PRCD: variants seen among roughly 807,000 people sequenced by gnomAD.
PRCD encodes the protein photoreceptor disc component.
PRCD carries 12 observed loss-of-function variants against 10.1 expected under a neutral mutation model. The ratio of observed to expected loss-of-function variants is 1.18; its 90% CI spans 0.76 to 1.92. PRCD has a LOEUF of 1.92. Among genes scored for constraint, PRCD ranks in the 40% most tolerant of loss-of-function variants. PRCD has a pLI of 0.00. For synonymous variants in PRCD, 31 were observed against 26.2 expected, an observed-to-expected ratio of 1.18 and a Z score of -0.56; for missense variants, 61 against 72.2, an observed-to-expected ratio of 0.84 and a Z score of 0.56.
In PRCD at chr17:76,544,067, CT is replaced by C; in HGVS notation, c.*418del. On this transcript the variant is annotated 3_prime_UTR_variant, in exon 5 of 5. Coordinates refer to ENST00000592014, the MANE Select transcript of PRCD (RefSeq NM_001077620.3). The stretch of plus-strand genomic sequence containing the variant: ...TTTGCCCCCAGCTGCTCTGCCATTT[CT>C]CTCTTTTCAATCCTGCATGATCCTG... The C allele has an allele frequency of 2.2e-6, 1 of 454,682 alleles. No homozygotes were observed. Among genetic ancestry groups the C allele is most frequent in the Non-Finnish European group, 4.4e-6 (1 of 226,966 alleles). 28.2% of individuals were successfully genotyped at this position (454,682 alleles called of 1,614,324 possible). A position where few individuals can be genotyped will look rare whatever the true frequency, so the allele number is the denominator to read the frequency against.
upstream of PRCD, chr17:76,537,619 G>C: frequency 1.0e-6 from 1 of 993,608 alleles, no homozygotes; most frequent in South Asian, 4.5e-5. Flanking sequence ...CGGGGCGCCG[G>C]GAGCCGGGGC....
chr17:76,531,410 G>A lies in PRCD; in HGVS notation n.45+3577G>A. ...GTCGCAGAGCCTGCGAGCTGCAGAT[G>A]GCCATGACGCGTGGGCGGTGGGGGC... On this transcript the variant is annotated intron_variant and non_coding_transcript_variant, in intron 1 of 4. Coordinates refer to the PRCD transcript ENST00000397633. The surrounding 1 kb of genome is among the most constrained non-coding windows in gnomAD (Gnocchi z 7.4). 1 of 1,570,786 alleles carries A rather than the reference G, an allele frequency of 6.4e-7. No homozygotes were observed. The highest frequency in any genetic ancestry group is 8.7e-7 in the Non-Finnish European group (1 of 1,147,626).
At chr17:76,552,930 T>C (rs1468118274) in intron 1 of PRCD, 2 of 144,056 alleles carry the variant, frequency 1.4e-5, no homozygotes, top group African/African-American at 2.7e-5. Context: ...TGTATATGTG[T>C]ATATATATGT....
upstream of PRCD, chr17:76,537,745 G>A: frequency 4.4e-6 from 1 of 225,120 alleles, no homozygotes; most frequent in Non-Finnish European, 7.4e-6. Flanking sequence ...ATATGTGCGG[G>A]GGGCGGGGGA....
At position 76,543,955 on chromosome 17, in the gene PRCD, T is replaced by G. The variant is rs1248374913; in HGVS notation, c.*305T>G. On this transcript the variant is annotated 3_prime_UTR_variant, in exon 5 of 5. Transcript: ENST00000592014. ...TCTGTATGTGTGCAAGCGCGTGTGT[T>G]CCAAACGGGCAGTAGCGTGTGGGAA... is the stretch of plus-strand genomic sequence containing the variant. 1 of 468,058 alleles carries G rather than the reference T, an allele frequency of 2.1e-6. No homozygotes were observed. Among genetic ancestry groups the G allele is most frequent in the Non-Finnish European group, 4.4e-6 (1 of 227,038 alleles). The allele number at this position is 468,058 out of a possible 1,614,324, so 29.0% of individuals were successfully genotyped here.
chr17:76,538,844 G>T (rs1387650258), upstream of PRCD, among the ~76,000 whole-genome samples: 1 of 152,262 alleles, frequency 6.6e-6, no homozygotes, highest in African/African-American at 2.4e-5. Context: ...CAGGCTCCCG[G>T]CGACCCCTGT....
downstream of PRCD, chr17:76,546,565 G>C (rs529407832): frequency 1.3e-5 from 2 of 152,108 alleles, no homozygotes; most frequent in African/African-American, 4.8e-5. This position sits in a 1 kb window ranked among gnomAD's most constrained non-coding sequence, Gnocchi z 4.5. Context: ...GCACAATGGC[G>C]AGAGAGCAAA....
Position 76,540,975 on chromosome 17 carries a change from C to T in PRCD, c.143+402C>T, listed in dbSNP as rs1037655581. The stretch of plus-strand genomic sequence containing the variant: ...TGCCTCAGCTAGGCTGCCTGAGCCT[C>T]CAGCAGGATTCGCTGTCCAGTCCCC... On this transcript the variant is annotated intron_variant, in intron 2 of 4. Transcript: ENST00000592014. The surrounding 1 kb of genome is among the most constrained non-coding windows in gnomAD (Gnocchi z 5.0). 6.6e-6 allele frequency among the ~76,000 whole-genome samples: 1 copy of T among 152,210 alleles called. No homozygotes were observed. The highest frequency in any genetic ancestry group is 2.4e-5 in the African/African-American group (1 of 41,456).
chr17:76,531,769 G>C lies in PRCD; in HGVS notation n.45+3936G>C. On this transcript the variant is annotated intron_variant and non_coding_transcript_variant, in intron 1 of 4. Transcript: ENST00000397633. The surrounding 1 kb of genome is among the most constrained non-coding windows in gnomAD (Gnocchi z 7.4). ...CCCTGAAGCTTCCAGGATAGTGGGGGCTGAAGAAGTGGACCGCAGTGCTCC... is the reference window on the plus strand; with the variant it reads ...CCCTGAAGCTTCCAGGATAGTGGGGCCTGAAGAAGTGGACCGCAGTGCTCC... The C allele has an allele frequency of 7.9e-7, 1 of 1,267,316 alleles. No individual in the cohort carries two copies. Among genetic ancestry groups the C allele is most frequent in the Non-Finnish European group, 1.1e-6 (1 of 904,668 alleles). The allele number at this position is 1,267,316 out of a possible 1,614,324, so 78.5% of individuals were successfully genotyped here. A position where few individuals can be genotyped will look rare whatever the true frequency, so the allele number is the denominator to read the frequency against.
Position 76,528,473 on chromosome 17 carries a change from T to G in PRCD, n.45+640T>G. On this transcript the variant is annotated intron_variant and non_coding_transcript_variant, in intron 1 of 4. Transcript: ENST00000397633. The surrounding 1 kb of genome is among the most constrained non-coding windows in gnomAD (Gnocchi z 5.8). ...TCCTTCGGGGAAGTTGAGTCAGGGA[T>G]TCCTCCAGCTTCCTTGGCACCCAGA... is the stretch of plus-strand genomic sequence containing the variant. 9.5e-7 allele frequency: 1 copy of G among 1,054,920 alleles called. No individual in the cohort carries two copies. The highest frequency in any genetic ancestry group is 1.2e-6 in the Non-Finnish European group (1 of 804,902). The allele number at this position is 1,054,920 out of a possible 1,614,324, so 65.3% of individuals were successfully genotyped here.
rs1409766622 is a variant in PRCD, at chr17:76,540,638, T to C, written c.143+65T>C. On this transcript the variant is annotated intron_variant, in intron 2 of 4. Coordinates refer to ENST00000592014, the MANE Select transcript of PRCD (RefSeq NM_001077620.3). This position sits in a 1 kb window ranked among gnomAD's most constrained non-coding sequence, Gnocchi z 5.0. ...CAAGGAAGCTGTGGCTGTGCATGCC[T>C]GGGGGTGCACGTGTGTGCCTGTGCG... The C allele has an allele frequency of 7.4e-6, 11 of 1,492,266 alleles. No individual in the cohort carries two copies. The highest frequency in any genetic ancestry group is 2.3e-5 in the East Asian group (1 of 44,018). The allele number at this position is 1,492,266 out of a possible 1,614,324, so 92.4% of individuals were successfully genotyped here. A position where few individuals can be genotyped will look rare whatever the true frequency, so the allele number is the denominator to read the frequency against.
Position 76,542,586 on chromosome 17 carries a change from TGCAGGTG to T in PRCD, c.*14_*20del. Reference sequence around the variant, plus strand: ...AACCTCTGAAGTAAGCCCTCACCTCTGCAGGTGGGGCTCAGGCCCAGAGACTGGGATC... The same window carrying T: ...AACCTCTGAAGTAAGCCCTCACCTCTGGGCTCAGGCCCAGAGACTGGGATC... On this transcript the variant is annotated 3_prime_UTR_variant, in exon 3 of 5. Coordinates refer to ENST00000592014, the MANE Select transcript of PRCD (RefSeq NM_001077620.3). The T allele has an allele frequency of 6.2e-7, 1 of 1,614,022 alleles. No homozygotes were observed. Among genetic ancestry groups the T allele is most frequent in the Non-Finnish European group, 8.5e-7 (1 of 1,179,878 alleles).
rs2074790807 is a variant in PRCD, at chr17:76,528,320, C to A, written n.45+487C>A. The A allele has an allele frequency of 2.5e-6, 1 of 403,106 alleles. No individual in the cohort carries two copies. The highest frequency in any genetic ancestry group is 4.4e-6 in the Non-Finnish European group (1 of 228,884). 25.0% of individuals were successfully genotyped at this position (403,106 alleles called of 1,614,324 possible). A position where few individuals can be genotyped will look rare whatever the true frequency, so the allele number is the denominator to read the frequency against. ...CTGCCAGCCGCTCAGCTAGGTCTCT[C>A]TCTAACAGTGAGTAGAAAAGCTAAG... On this transcript the variant is annotated intron_variant and non_coding_transcript_variant, in intron 1 of 4. Transcript: ENST00000397633. The surrounding 1 kb of genome is among the most constrained non-coding windows in gnomAD (Gnocchi z 5.8).
At position 76,531,028 on chromosome 17, in the gene PRCD, C is replaced by A; in HGVS notation, n.45+3195C>A. 6.2e-7 allele frequency: 1 copy of A among 1,613,188 alleles called. No homozygotes were observed. The highest frequency in any genetic ancestry group is 8.5e-7 in the Non-Finnish European group (1 of 1,179,772). On this transcript the variant is annotated intron_variant and non_coding_transcript_variant, in intron 1 of 4. Transcript: ENST00000397633. This position sits in a 1 kb window ranked among gnomAD's most constrained non-coding sequence, Gnocchi z 7.4. ...ACCCAGCCCACTTCCTTGTAGGCAG[C>A]GGTCACGTGGCTGTAGATGAGGCCA...
In PRCD at chr17:76,531,963, T is replaced by G; in HGVS notation, n.45+4130T>G. ...GGCCTCTGTCTTCCTCGCTTCTTGCTTCCTTCCCAAACTCTACACCCCCTT... is the reference window on the plus strand; with the variant it reads ...GGCCTCTGTCTTCCTCGCTTCTTGCGTCCTTCCCAAACTCTACACCCCCTT... On this transcript the variant is annotated intron_variant and non_coding_transcript_variant, in intron 1 of 4. Transcript: ENST00000397633. The surrounding 1 kb of genome is among the most constrained non-coding windows in gnomAD (Gnocchi z 7.4). 2.8e-6 allele frequency: 1 copy of G among 359,156 alleles called. No homozygotes were observed. Among genetic ancestry groups the G allele is most frequent in the Non-Finnish European group, 5.2e-6 (1 of 193,760 alleles). The allele number at this position is 359,156 out of a possible 1,614,324, so 22.2% of individuals were successfully genotyped here.
Position 76,531,513 on chromosome 17 carries a change from G to A in PRCD, n.45+3680G>A, listed in dbSNP as rs1490929129. The A allele has an allele frequency of 1.9e-6, 3 of 1,613,748 alleles. No homozygotes were observed. Among genetic ancestry groups the A allele is most frequent in the Non-Finnish European group, 2.5e-6 (3 of 1,179,618 alleles). ...TTGAGGGCGTGGGCTTTCCCCACAA[G>A]GGCGAGCACAGAGGACACCTTGTCG... On this transcript the variant is annotated intron_variant and non_coding_transcript_variant, in intron 1 of 4. Coordinates refer to the PRCD transcript ENST00000397633. The surrounding 1 kb of genome is among the most constrained non-coding windows in gnomAD (Gnocchi z 7.4).
chr17:76,530,122 G>A lies in PRCD; in HGVS notation n.45+2289G>A, dbSNP rs1004442318. On this transcript the variant is annotated intron_variant and non_coding_transcript_variant, in intron 1 of 4. Transcript: ENST00000397633. This position sits in a 1 kb window ranked among gnomAD's most constrained non-coding sequence, Gnocchi z 6.1. ...CTGCTGGGAATGTTTCTCTACCACG[G>A]GAATGTTTCTCTACCACGCGTGTCC... is the stretch of plus-strand genomic sequence containing the variant. 46 of 981,352 alleles carry A rather than the reference G, an allele frequency of 4.7e-5. No individual in the cohort carries two copies. The South Asian group carries it at 2.0e-3, about 43-fold the overall frequency. The allele number at this position is 981,352 out of a possible 1,614,324, so 60.8% of individuals were successfully genotyped here.
At chr17:76,535,980 T>A (rs2074909120), upstream of PRCD, among the ~76,000 whole-genome samples, 1 of 152,236 alleles carries the variant, frequency 6.6e-6, no homozygotes, top group African/African-American at 2.4e-5. Flanking sequence ...GACACACGGC[T>A]GACGGCACCC....
At chr17:76,537,694 C>T (rs2074936054), upstream of PRCD, 1 of 674,918 alleles carries the variant, frequency 1.5e-6, no homozygotes, top group African/African-American at 2.0e-5. Flanking sequence ...TGTCTGTGCG[C>T]GCCGGGTGTG....
Sources: allele counts gnomAD v4.1 joint callset (sites outside exome capture counted in the v4.1 genomes callset), GRCh38; gene constraint gnomAD v4.1.1; non-coding constraint Gnocchi (gnomAD v3.1); transcripts MANE v1.5; gene names NCBI Gene and HGNC (gene_info 2026-07-23, HGNC 2026-07-21).